The following SASS6 variants were observed in gnomAD, a reference collection of about 807,000 sequenced individuals.
SASS6 encodes the protein SAS-6 centriolar assembly protein.
A neutral mutation model predicts 94.9 loss-of-function variants in SASS6; 59 were observed. That is an observed-to-expected ratio of 0.62 (90% confidence interval 0.50 to 0.77). The LOEUF is 0.77. SASS6 is among the 30% of genes least tolerant of loss of function. The pLI is 0.00. For synonymous variants in SASS6, 264 were observed against 270.0 expected (o/e 0.98, Z 0.22); for missense variants, 698 against 734.1 (o/e 0.95, Z 0.57).
intron 14 of SASS6, 124 bp from the exon 15 acceptor site, chr1:100,088,360 G>A (rs990324551): frequency 7.2e-6 from 4 of 555,482 alleles, no homozygotes; most frequent in East Asian, 5.8e-5. Flanking sequence ...GCATAATCAC[G>A]GTTCACTGCA....
chr1:100,128,209 G>A (rs551158568), intron 1 of SASS6, among the ~76,000 whole-genome samples: 14 of 152,050 alleles, frequency 9.2e-5, no homozygotes, highest in Admixed American at 2.0e-4. Context: ...GCTAATTTTC[G>A]TATTTTTAGT....
intron 1 of SASS6, among the ~76,000 whole-genome samples, chr1:100,131,917 A>G (rs1053542096): frequency 6.6e-6 from 1 of 152,248 alleles, no homozygotes; most frequent in African/African-American, 2.4e-5. Flanking sequence ...ATGTTATATC[A>G]GTTTTACAAA....
intron 5 of SASS6, 62 bp from the exon 6 acceptor site, chr1:100,120,521 C>A: frequency 1.3e-6 from 1 of 754,492 alleles, no homozygotes. Context: ...CCATGCTACT[C>A]AAAGTATAGC....
Position 100,122,830 on chromosome 1 carries a change from C to T in SASS6, c.207-346G>A, listed in dbSNP as rs189269109. 5.3e-5 allele frequency among the ~76,000 whole-genome samples: 8 copies of T among 152,084 alleles called. No homozygotes were observed. In the East Asian group the frequency reaches 1.5e-3, roughly 29 times the overall value. ...CCGCCCAAAGTGCTGGGATTACAGG[C>T]GTGAGCCACCGTGCCTGGCCAATTA... is the stretch of plus-strand genomic sequence containing the variant. On this transcript the variant is annotated intron_variant, in intron 3 of 16. Coordinates refer to ENST00000287482, the MANE Select transcript of SASS6 (RefSeq NM_194292.3).
intron 1 of SASS6, among the ~76,000 whole-genome samples, chr1:100,129,258 T>G (rs1338808874): frequency 1.3e-5 from 2 of 151,748 alleles, no homozygotes; most frequent in Non-Finnish European, 2.9e-5. Flanking sequence ...AAATAATAAT[T>G]TTTGAACATA....
chr1:100,122,371 G>A lies in SASS6; in HGVS notation c.311+9C>T. On this transcript the variant is annotated intron_variant, in intron 4 of 16. Transcript: ENST00000287482. ...AAATTTAATAATGTAGCATTCTCAT[G>A]CAACTTACCTTGGAATTTCTTTGGC... 8.2e-7 allele frequency: 1 copy of A among 1,223,446 alleles called. No individual in the cohort carries two copies. Among genetic ancestry groups the A allele is most frequent in the Non-Finnish European group, 1.2e-6 (1 of 840,626 alleles). 75.8% of individuals were successfully genotyped at this position (1,223,446 alleles called of 1,614,324 possible). A position where few individuals can be genotyped will look rare whatever the true frequency, so the allele number is the denominator to read the frequency against.
chr1:100,113,837 T>C (rs1194436354), intron 7 of SASS6, among the ~76,000 whole-genome samples: 1 of 151,840 alleles, frequency 6.6e-6, no homozygotes, highest in Non-Finnish European at 1.5e-5. Context: ...CAAGACAATA[T>C]GCACGATATT....
chr1:100,106,970 TA>T lies in SASS6; in HGVS notation c.1349del (p.Leu450Ter). On this transcript the variant is annotated frameshift_variant, in exon 12 of 17. Coordinates refer to ENST00000287482, the MANE Select transcript of SASS6 (RefSeq NM_194292.3). LOFTEE classifies it high-confidence loss of function. ...EQEVCKLQEQ[L>X]EATVKKLEES... is the part of the protein sequence containing the mutation. ...CTTCAAGTTTTTTAACTGTAGCTTCTAATTGTTCTTGTAATTTGCATACCTG... is the reference window on the plus strand; with the variant it reads ...CTTCAAGTTTTTTAACTGTAGCTTCTATTGTTCTTGTAATTTGCATACCTG... 1 of 1,429,990 alleles carries T rather than the reference TA, an allele frequency of 7.0e-7. No individual in the cohort carries two copies. The highest frequency in any genetic ancestry group is 9.8e-7 in the Non-Finnish European group (1 of 1,016,622). 88.6% of individuals were successfully genotyped at this position (1,429,990 alleles called of 1,614,324 possible).
intron 14 of SASS6, among the ~76,000 whole-genome samples, chr1:100,094,459 C>G (rs569619900): frequency 6.6e-6 from 1 of 152,220 alleles, no homozygotes; most frequent in African/African-American, 2.4e-5. Context: ...TTTTATGAGG[C>G]CAGTATTGTC....
At chr1:100,087,203 G>A (rs565603598) in intron 15 of SASS6, among the ~76,000 whole-genome samples, 8 of 140,230 alleles carry the variant, frequency 5.7e-5, no homozygotes, top group African/African-American at 2.5e-4. Flanking sequence ...GCTGGTCTTG[G>A]AACTCCCGGC....
At chr1:100,128,140 G>A (rs1654759348) in intron 1 of SASS6, among the ~76,000 whole-genome samples, 1 of 151,988 alleles carries the variant, frequency 6.6e-6, no homozygotes, top group Non-Finnish European at 1.5e-5. Flanking sequence ...AGGTTCAAAC[G>A]ATTCTCCTGC....
At chr1:100,124,125 G>A (rs1360741649) in intron 2 of SASS6, among the ~76,000 whole-genome samples, 1 of 152,180 alleles carries the variant, frequency 6.6e-6, no homozygotes, top group Non-Finnish European at 1.5e-5. Flanking sequence ...AACCACTTAT[G>A]CACCAAGCTA....
At chr1:100,091,630 TAAA>T (rs57639570) in intron 14 of SASS6, among the ~76,000 whole-genome samples, 1 of 83,042 alleles carries the variant, frequency 1.2e-5, no homozygotes, top group African/African-American at 4.7e-5. Flanking sequence ...AAAGTCTCAT[TAAA>T]AAAAAAAAAA....
intron 1 of SASS6, among the ~76,000 whole-genome samples, chr1:100,132,539 T>C (rs376933627): frequency 4.6e-5 from 7 of 152,280 alleles, no homozygotes; most frequent in African/African-American, 1.7e-4. Context: ...GCCGGCTTCC[T>C]AACTCCTCAC....
At chr1:100,117,747 A>G (rs988976013) in intron 7 of SASS6, among the ~76,000 whole-genome samples, 1 of 151,900 alleles carries the variant, frequency 6.6e-6, no homozygotes, top group African/African-American at 2.4e-5. Flanking sequence ...ATAAAAAGTT[A>G]TATTAAAAGA....
intron 14 of SASS6, among the ~76,000 whole-genome samples, chr1:100,096,989 C>T (rs901221237): frequency 6.6e-6 from 1 of 152,152 alleles, no homozygotes; most frequent in African/African-American, 2.4e-5. Flanking sequence ...GTGGCGTGCA[C>T]TTGTAACCCC....
At chr1:100,089,530 CATT>C (rs1185905661) in intron 14 of SASS6, among the ~76,000 whole-genome samples, 3 of 152,152 alleles carry the variant, frequency 2.0e-5, no homozygotes, top group African/African-American at 7.2e-5. Context: ...ATAAAGGAAA[CATT>C]ATATATAAAC....
In SASS6 at chr1:100,088,125, C is replaced by A. The variant is rs1651433326; in HGVS notation, c.1772+14G>T. ...AAATTGCAAACATTAAATTTTATGT[C>A]ATTAAGCACTTACTTTTCCTTATCA... On this transcript the variant is annotated intron_variant, in intron 15 of 16. Transcript: ENST00000287482. The A allele has an allele frequency of 7.0e-7, 1 of 1,423,554 alleles. No homozygotes were observed. Among genetic ancestry groups the A allele is most frequent in the Non-Finnish European group, 9.9e-7 (1 of 1,009,306 alleles). The allele number at this position is 1,423,554 out of a possible 1,614,324, so 88.2% of individuals were successfully genotyped here. A position where few individuals can be genotyped will look rare whatever the true frequency, so the allele number is the denominator to read the frequency against.
chr1:100,127,084 A>C (rs948837925), intron 1 of SASS6, among the ~76,000 whole-genome samples: 6 of 152,220 alleles, frequency 3.9e-5, no homozygotes, highest in African/African-American at 1.4e-4. Flanking sequence ...TATAGGTGAA[A>C]GTGCTCATAA....
Sources: allele counts gnomAD v4.1 joint callset (sites outside exome capture counted in the v4.1 genomes callset), GRCh38; gene constraint gnomAD v4.1.1; transcripts MANE v1.5; gene names NCBI Gene and HGNC (gene_info 2026-07-23, HGNC 2026-07-21).